Variants in PBK observed in about 807,000 individuals in gnomAD.
PBK encodes the protein lymphokine-activated killer T-cell-originated protein kinase.
In PBK, 22 loss-of-function variants were observed where a neutral mutation model predicts 33.5. That is an observed-to-expected ratio of 0.66 (90% CI 0.47 to 0.94). The LOEUF is 0.94. Ranked by LOEUF, PBK falls within the 40% of genes least tolerant of loss-of-function variation. The probability of loss-of-function intolerance (pLI) is 0.00; values close to 1 mark genes in which losing one functional copy is unlikely to be tolerated. For synonymous variants in PBK, 129 were observed against 123.8 expected, an observed-to-expected ratio of 1.04 and a Z score of -0.28; for missense variants, 376 against 383.4, an observed-to-expected ratio of 0.98 and a Z score of 0.16.
intron 1 of PBK, among the ~76,000 whole-genome samples, chr8:27,833,338 C>T (rs767692657): frequency 1.1e-4 from 17 of 152,010 alleles, no homozygotes; most frequent in Non-Finnish European, 1.2e-4. Context: ...GGAGAAACCC[C>T]GTCTCTACTA....
intron 3 of PBK, among the ~76,000 whole-genome samples, chr8:27,826,301 T>C (rs1475132776): frequency 6.6e-6 from 1 of 152,046 alleles, no homozygotes; most frequent in East Asian, 1.9e-4. Flanking sequence ...GAAATGCAAA[T>C]TCTCAAAAAA....
chr8:27,835,071 C>T (rs1806203539), intron 1 of PBK, among the ~76,000 whole-genome samples: 1 of 152,056 alleles, frequency 6.6e-6, no homozygotes, highest in South Asian at 2.1e-4. Flanking sequence ...CAAAACTGTT[C>T]CTACATGTCT....
intron 7 of PBK, 29 bp downstream of exon 7, chr8:27,810,929 G>A: frequency 7.6e-7 from 1 of 1,318,148 alleles, no homozygotes; most frequent in Non-Finnish European, 1.1e-6. Context: ...TGAAGAGATT[G>A]GGATTTATGT....
At chr8:27,832,712 A>G (rs958268669) in intron 2 of PBK, among the ~76,000 whole-genome samples, 2 of 152,144 alleles carry the variant, frequency 1.3e-5, no homozygotes, top group Admixed American at 6.5e-5. Context: ...TGTTGAAAAG[A>G]TTTTCCTTTG....
At position 27,810,504 on chromosome 8, in the gene PBK, T is replaced by G. The variant is rs1325532012; in HGVS notation, c.773-3A>C. 2 of 1,581,470 alleles carry G rather than the reference T, an allele frequency of 1.3e-6. No individual in the cohort carries two copies. The highest frequency in any genetic ancestry group is 1.7e-6 in the Non-Finnish European group (2 of 1,154,146). ...ATCACTTTCATCAAAAGTTTTATCT[T>G]GAAGGAGTTAGAGATTGAAACAATA... On this transcript the variant is annotated splice_polypyrimidine_tract_variant and splice_region_variant and intron_variant, in intron 7 of 7. Coordinates refer to ENST00000301905, the MANE Select transcript of PBK (RefSeq NM_018492.4).
At position 27,810,351 on chromosome 8, in the gene PBK, C is replaced by A. The variant is rs776800823; in HGVS notation, c.923G>T (p.Arg308Leu). Residue 308 changes from arginine to leucine, a missense_variant, in exon 8 of 8, where the codon CGT (arginine) becomes CTT (leucine). Coordinates refer to ENST00000301905, the MANE Select transcript of PBK (RefSeq NM_018492.4). ...SVCTNEDPKD[R>L]PSAAHIVEAL... ...TTCAACAATGTGTGCAGCAGAAGGA[C>A]GATCTTTAGGGTCTTCATTAGTGCA... 35 of 1,612,918 alleles carry A rather than the reference C, an allele frequency of 2.2e-5. 1 individual carries two copies. In the South Asian group the frequency reaches 3.8e-4, roughly 18 times the overall value.
intron 2 of PBK, 46 bp from the exon 3 acceptor site, chr8:27,828,244 T>A: frequency 1.1e-6 from 1 of 878,548 alleles, no homozygotes; most frequent in East Asian, 2.7e-5. Flanking sequence ...AAAATAAAAA[T>A]AAAGCATCTT....
chr8:27,814,268 T>G (rs996594809), intron 6 of PBK, among the ~76,000 whole-genome samples: 11 of 152,154 alleles, frequency 7.2e-5, no homozygotes, highest in African/African-American at 2.7e-4. Context: ...TTTGGTAAAT[T>G]GTATTTTTCA....
In PBK at chr8:27,823,059, G is replaced by T. The variant is rs727813; in HGVS notation, c.295+4C>A. The T allele has an allele frequency of 0.43, 671,679 of 1,574,448 alleles. 145,521 individuals are homozygous for T. The highest frequency in any genetic ancestry group is 0.55 in the Middle Eastern group (3,240 of 5,904). On this transcript the variant is annotated splice_donor_region_variant and intron_variant, in intron 4 of 7. Transcript: ENST00000301905. ...CCAGATACTGCTACCAAATTTAAACGTACCAACAATGTTTGGATGATGAAG... is the reference window on the plus strand; with the variant it reads ...CCAGATACTGCTACCAAATTTAAACTTACCAACAATGTTTGGATGATGAAG...
intron 6 of PBK, chr8:27,812,474 T>C (rs985294733): frequency 6.6e-5 from 10 of 151,724 alleles, no homozygotes; most frequent in African/African-American, 2.2e-4. Context: ...AACAGACAAA[T>C]GGGATCTAAT....
Position 27,822,183 on chromosome 8 carries a change from T to C in PBK, c.465+136A>G, listed in dbSNP as rs369819863. 4 of 640,522 alleles carry C rather than the reference T, an allele frequency of 6.2e-6. No homozygotes were observed. The African/African-American group carries it at 7.4e-5, about 12-fold the overall frequency. The allele number at this position is 640,522 out of a possible 1,614,324, so 39.7% of individuals were successfully genotyped here. On this transcript the variant is annotated intron_variant, in intron 5 of 7. Coordinates refer to ENST00000301905, the MANE Select transcript of PBK (RefSeq NM_018492.4). Reference sequence around the variant, plus strand: ...AGCAGAAATGTAAGCCTCTATTTTGTTTTCCGCTAACCCCTTTTTGGAACT... The same window carrying C: ...AGCAGAAATGTAAGCCTCTATTTTGCTTTCCGCTAACCCCTTTTTGGAACT...
At chr8:27,818,230 A>G (rs10503818) in intron 6 of PBK, among the ~76,000 whole-genome samples, 63,387 of 152,122 alleles carry the variant, frequency 0.42, 13,578 homozygotes, top group East Asian at 0.62. Flanking sequence ...AGCAAAACCT[A>G]TTCTAACCTC....
At chr8:27,816,359 T>TATATATATATATA (rs1563489324) in intron 6 of PBK, among the ~76,000 whole-genome samples, 1,498 of 126,192 alleles carry the variant, frequency 0.012, 14 homozygotes, top group Middle Eastern at 0.027. Context: ...ATATATATAT[T>TATATATATATATA]TATTTATTTA....
In PBK at chr8:27,810,394, T is replaced by C. The variant is rs1417499588; in HGVS notation, c.880A>G (p.Ile294Val). ...EELDESYQKV[I>V]ELFSVCTNED... ...TTAGTGCATACAGAGAAGAGTTCAA[T>C]TACTTTCTGGTATGATTCATCCAGT... The change falls in exon 8 of 8, where the codon ATT becomes GTT. Residue 294 changes from isoleucine (I) to valine (V), a missense_variant. Transcript: ENST00000301905. 5 of 1,608,886 alleles carry C rather than the reference T, an allele frequency of 3.1e-6. No individual in the cohort carries two copies. Among genetic ancestry groups the C allele is most frequent in the Non-Finnish European group, 4.3e-6 (5 of 1,175,340 alleles).
intron 6 of PBK, among the ~76,000 whole-genome samples, chr8:27,813,022 T>TTTA (rs1368734091): frequency 1.3e-5 from 2 of 152,154 alleles, no homozygotes. Flanking sequence ...CATGTACACG[T>TTTA]TTATGTTTAT....
At chr8:27,825,180 C>A (rs1365650709) in intron 3 of PBK, among the ~76,000 whole-genome samples, 3 of 152,210 alleles carry the variant, frequency 2.0e-5, no homozygotes, top group Non-Finnish European at 4.4e-5. Context: ...TAGCACACAA[C>A]TATAATCACA....
At chr8:27,822,991 T>G in intron 4 of PBK, 72 bp downstream of exon 4, 1 of 941,564 alleles carries the variant, frequency 1.1e-6, no homozygotes, top group African/African-American at 1.7e-5. Context: ...TGAAACCAGT[T>G]AAGAGAGCAT....
At chr8:27,815,632 A>C (rs965594895) in intron 6 of PBK, among the ~76,000 whole-genome samples, 1 of 152,218 alleles carries the variant, frequency 6.6e-6, no homozygotes, top group Non-Finnish European at 1.5e-5. Flanking sequence ...GTACACATAC[A>C]TTCTAAGTAG....
At chr8:27,831,048 C>A (rs1806120107) in intron 2 of PBK, among the ~76,000 whole-genome samples, 1 of 152,082 alleles carries the variant, frequency 6.6e-6, no homozygotes, top group Non-Finnish European at 1.5e-5. Flanking sequence ...GCATGGTAAT[C>A]CCAACACTTT....
Sources: gnomAD v4.1 joint callset for allele counts (sites outside exome capture counted in the v4.1 genomes callset) on GRCh38, gnomAD v4.1.1 for gene constraint, MANE v1.5 for transcripts, NCBI Gene and HGNC (gene_info 2026-07-23, HGNC 2026-07-21) for gene names.